Variants in NFU1 observed in about 807,000 individuals in gnomAD.
NFU1 encodes the protein NFU1 iron-sulfur cluster scaffold homolog, mitochondrial.
In NFU1, 30 loss-of-function variants were observed where a neutral mutation model predicts 32.2. The observed-to-expected ratio is 0.93, with a 90% CI of 0.70 to 1.26. NFU1 has a LOEUF of 1.26. Among genes scored for constraint, NFU1 ranks in the 50% most tolerant of loss-of-function variants. The pLI, the probability that NFU1 is intolerant of heterozygous loss-of-function variation, is 0.00. For synonymous variants in NFU1, 112 were observed against 104.6 expected (o/e 1.07, Z -0.43); for missense variants, 306 against 306.6 (o/e 1.00, Z 0.02).
chr2:69,407,612 T>C (rs746602987), intron 5 of NFU1, among the ~76,000 whole-genome samples: 5 of 145,884 alleles, frequency 3.4e-5, no homozygotes, highest in Admixed American at 7.0e-5. Context: ...ATGGCGGAGG[T>C]TGAAGTGAGC....
intron 1 of NFU1, among the ~76,000 whole-genome samples, chr2:69,433,531 AGTGATGCGATCCCAGCTTACTGCAAC>A (rs1673721761): frequency 6.6e-6 from 1 of 151,648 alleles, no homozygotes; most frequent in Non-Finnish European, 1.5e-5. Flanking sequence ...GCTGGAGTGC[AGTGATGCGATCCCAGCTTACTGCAAC>A]CTCCACCTCC....
At position 69,431,962 on chromosome 2, in the gene NFU1, G is replaced by A; in HGVS notation, c.106C>T (p.Pro36Ser). The A allele has an allele frequency of 5.0e-6, 8 of 1,613,660 alleles. No homozygotes were observed. The highest frequency in any genetic ancestry group is 5.9e-6 in the Non-Finnish European group (7 of 1,179,672). ...LKNPYTIKKQPLHQFVQRPLF... is the reference protein window; with the variant it reads ...LKNPYTIKKQSLHQFVQRPLF... ...GGTCTTTGTACAAACTGATGCAGAG[G>A]CTGTTTCTTAATGGTGTATGGATTC... is the stretch of plus-strand genomic sequence containing the variant. The change falls in exon 2 of 8, where the codon CCT becomes TCT. Residue 36 changes from proline (P) to serine (S), a missense_variant. Coordinates refer to ENST00000410022, the MANE Select transcript of NFU1 (RefSeq NM_001002755.4).
chr2:69,405,071 A>T (rs1336141336), intron 6 of NFU1, among the ~76,000 whole-genome samples: 30 of 150,432 alleles, frequency 2.0e-4, no homozygotes, highest in Admixed American at 2.0e-3. Flanking sequence ...ACATGGTGAA[A>T]CCCTGTCTCT....
At chr2:69,415,557 A>G (rs1221546253) in intron 4 of NFU1, among the ~76,000 whole-genome samples, 4 of 152,076 alleles carry the variant, frequency 2.6e-5, no homozygotes, top group Non-Finnish European at 2.9e-5. Flanking sequence ...CAAATTAACT[A>G]TATCTTATTC....
chr2:69,428,614 C>T (rs951703583), intron 2 of NFU1, among the ~76,000 whole-genome samples: 1 of 152,134 alleles, frequency 6.6e-6, no homozygotes, highest in Non-Finnish European at 1.5e-5. Flanking sequence ...GGATTCAAAG[C>T]TGGACAATTT....
At chr2:69,410,312 C>G (rs570226557) in intron 5 of NFU1, among the ~76,000 whole-genome samples, 1 of 152,230 alleles carries the variant, frequency 6.6e-6, no homozygotes, top group South Asian at 2.1e-4. Context: ...TCGCTTGAAC[C>G]TGGGAGGTGG....
chr2:69,423,433 A>G (rs1334755709), intron 3 of NFU1, 149 bp downstream of exon 3: 5 of 647,342 alleles, frequency 7.7e-6, no homozygotes, highest in African/African-American at 2.0e-5. Flanking sequence ...TTTTTTTTTT[A>G]ATCTCTCATC....
intron 7 of NFU1, among the ~76,000 whole-genome samples, chr2:69,399,550 G>A (rs1204313929): frequency 6.6e-6 from 1 of 151,256 alleles, no homozygotes; most frequent in Non-Finnish European, 1.5e-5. Context: ...CCAGCATTTT[G>A]GGAGGATCAC....
In NFU1 at chr2:69,431,988, T is replaced by C; in HGVS notation, c.80A>G (p.Lys27Arg). ...CTGTTTCTTAATGGTGTATGGATTC[T>C]TCAACATATGACAGAACCTGCATTT... ...GLRRRFCHML[K>R]NPYTIKKQPL... is the part of the protein sequence containing the mutation. The change falls in exon 2 of 8, where the codon AAG (lysine) becomes AGG (arginine). Residue 27 changes from lysine (K) to arginine (R), a missense_variant. Transcript: ENST00000410022. 6.2e-7 allele frequency: 1 copy of C among 1,611,310 alleles called. No individual in the cohort carries two copies. The highest frequency in any genetic ancestry group is 8.5e-7 in the Non-Finnish European group (1 of 1,177,498).
intron 2 of NFU1, among the ~76,000 whole-genome samples, chr2:69,425,547 G>T (rs537213549): frequency 6.6e-6 from 1 of 151,108 alleles, no homozygotes; most frequent in East Asian, 2.0e-4. Flanking sequence ...TAGAGACAGG[G>T]TTTCACCATG....
At chr2:69,433,175 C>T (rs1484748102) in intron 1 of NFU1, among the ~76,000 whole-genome samples, 8 of 141,120 alleles carry the variant, frequency 5.7e-5, no homozygotes, top group Non-Finnish European at 1.2e-4. Context: ...AAAAAGTATA[C>T]GACTGTCCTT....
At chr2:69,410,050 C>G (rs1574122312) in intron 5 of NFU1, among the ~76,000 whole-genome samples, 1 of 152,210 alleles carries the variant, frequency 6.6e-6, no homozygotes, top group East Asian at 1.9e-4. Context: ...CAAAAATCAA[C>G]AGTATTCCAA....
intron 1 of NFU1, among the ~76,000 whole-genome samples, chr2:69,433,933 C>T (rs1416609809): frequency 7.6e-6 from 1 of 130,748 alleles, no homozygotes; most frequent in African/African-American, 3.3e-5. Context: ...GCCACCATGC[C>T]CAGCTAGTTT....
At chr2:69,438,750 T>G (rs1489716549), upstream of NFU1, among the ~76,000 whole-genome samples, 1 of 152,056 alleles carries the variant, frequency 6.6e-6, no homozygotes, top group African/African-American at 2.4e-5. Flanking sequence ...TGGGTGGGTT[T>G]CAGGCCTGCA....
intron 5 of NFU1, among the ~76,000 whole-genome samples, chr2:69,407,674 CAAA>C (rs200321994): frequency 9.7e-5 from 10 of 103,104 alleles, no homozygotes; most frequent in Admixed American, 2.2e-4. Context: ...GACTCTATCT[CAAA>C]AAAAAAAAAA....
Position 69,431,309 on chromosome 2 carries a change from T to A in NFU1, c.166+593A>T, listed in dbSNP as rs527597542. ...GAATTCTTTGAAACACAATCCCCATTTGAAACTTCTTTTTGAGACAGGGTC... is the reference window on the plus strand; with the variant it reads ...GAATTCTTTGAAACACAATCCCCATATGAAACTTCTTTTTGAGACAGGGTC... On this transcript the variant is annotated intron_variant, in intron 2 of 7. Coordinates refer to ENST00000410022, the MANE Select transcript of NFU1 (RefSeq NM_001002755.4). Among the ~76,000 whole-genome samples the A allele has an allele frequency of 3.9e-5, 6 of 152,178 alleles. No homozygotes were observed. The Middle Eastern group carries it at 0.017, about 431-fold the overall frequency.
At chr2:69,409,567 G>C (rs56113659) in intron 5 of NFU1, among the ~76,000 whole-genome samples, 3,442 of 152,282 alleles carry the variant, frequency 0.023, 139 homozygotes, top group African/African-American at 0.077. Flanking sequence ...AGAAAAAAAT[G>C]TTTATTTGGT....
chr2:69,416,368 G>GCAA (rs1574131236), intron 4 of NFU1, among the ~76,000 whole-genome samples: 1 of 129,142 alleles, frequency 7.7e-6, no homozygotes, highest in African/African-American at 3.7e-5. Context: ...TAATATATTA[G>GCAA]TAATAATATT....
Position 69,419,552 on chromosome 2 carries a change from T to G in NFU1, c.355A>C (p.Ile119Leu). The G allele has an allele frequency of 6.3e-7, 1 of 1,586,692 alleles. No homozygotes were observed. Among genetic ancestry groups the G allele is most frequent in the Non-Finnish European group, 8.6e-7 (1 of 1,156,398 alleles). Residue 119 changes from isoleucine (I) to leucine (L), a missense_variant, in exon 4 of 8, where the codon ATC becomes CTC. Transcript: ENST00000410022. Reference sequence around the variant, plus strand: ...CCTATGTTTACCTTTGTGACAGTGATGAAATCTGGTCCAAAGAAGACACTT... The same window carrying G: ...CCTATGTTTACCTTTGTGACAGTGAGGAAATCTGGTCCAAAGAAGACACTT... ...VKSVFFGPDF[I>L]TVTKENEELD...
Sources: allele counts gnomAD v4.1 joint callset (sites outside exome capture counted in the v4.1 genomes callset), GRCh38; gene constraint gnomAD v4.1.1; transcripts MANE v1.5; gene names NCBI Gene and HGNC (gene_info 2026-07-23, HGNC 2026-07-21).